COG6: variants seen among roughly 807,000 people sequenced by gnomAD.
COG6 encodes component of oligomeric golgi complex 6.
Under a neutral mutation model 88.8 loss-of-function variants are expected in COG6, and 74 were observed. That is an observed-to-expected ratio of 0.83 (90% confidence interval 0.69 to 1.01). COG6 has a LOEUF of 1.01. Ranked by LOEUF, COG6 falls within the 50% of genes least tolerant of loss-of-function variation. COG6 has a pLI of 0.00. For missense variants in COG6, 800 were observed against 797.9 expected (o/e 1.00, Z -0.03); for synonymous variants, 286 against 278.7 (o/e 1.03, Z -0.26).
Position 39,687,532 on chromosome 13 carries a change from G to A in COG6, c.818G>A (p.Arg273Lys). Residue 273 changes from arginine (R) to lysine (K), a missense_variant, in exon 9 of 19, where the codon AGA (arginine) becomes AAA (lysine). Arg to Lys is a conservative substitution (Grantham distance 26). Transcript: ENST00000455146. ...ACCTTAGATGAATTTGGAACAGCCAGAAGAAGTACAGTTGTTCGTGGATTT... is the reference window on the plus strand; with the variant it reads ...ACCTTAGATGAATTTGGAACAGCCAAAAGAAGTACAGTTGTTCGTGGATTT... ...KYTLDEFGTARRSTVVRGFID... is the reference protein window; with the variant it reads ...KYTLDEFGTAKRSTVVRGFID... 6.2e-7 allele frequency: 1 copy of A among 1,613,488 alleles called. No individual in the cohort carries two copies. Among genetic ancestry groups the A allele is most frequent in the Non-Finnish European group, 8.5e-7 (1 of 1,179,664 alleles).
intron 4 of COG6, among the ~76,000 whole-genome samples, chr13:39,667,250 C>G (rs1173357744): frequency 6.6e-6 from 1 of 152,128 alleles, no homozygotes; most frequent in African/African-American, 2.4e-5. Flanking sequence ...TTAAAAACAA[C>G]TAAGTATCAA....
chr13:39,662,414 AC>A (rs1472893051), intron 3 of COG6, among the ~76,000 whole-genome samples: 2 of 152,120 alleles, frequency 1.3e-5, no homozygotes, highest in Non-Finnish European at 1.5e-5. Context: ...GACATGAGCC[AC>A]CATGCCCGGC....
intron 17 of COG6, among the ~76,000 whole-genome samples, chr13:39,726,102 G>C (rs976034044): frequency 7.9e-5 from 12 of 151,856 alleles, no homozygotes; most frequent in African/African-American, 2.9e-4. Flanking sequence ...CTTGAGTTTT[G>C]TATTTAATAC....
chr13:39,687,808 A>T lies in COG6; in HGVS notation c.1009+9A>T. ...GCATGTAACTACACAAGGTGGGTCC[A>T]CCAATTGTATTGCTAATGCCTAAAT... On this transcript the variant is annotated intron_variant, in intron 10 of 18. Coordinates refer to ENST00000455146, the MANE Select transcript of COG6 (RefSeq NM_020751.3). The T allele has an allele frequency of 6.3e-7, 1 of 1,590,580 alleles. No individual in the cohort carries two copies.
chr13:39,788,392 G>A, exon 19 of COG6: 1 of 1,550,042 alleles, frequency 6.5e-7, no homozygotes, highest in Non-Finnish European at 8.7e-7. Flanking sequence ...TGTGCTTCTG[G>A]AGCCATTCCA....
chr13:39,781,247 G>A (rs1007311928), intron 18 of COG6, among the ~76,000 whole-genome samples: 17 of 152,152 alleles, frequency 1.1e-4, no homozygotes, highest in Admixed American at 7.2e-4. Flanking sequence ...ATACATGGGC[G>A]CTTATTAGAG....
At chr13:39,674,916 G>A (rs763321190) in intron 4 of COG6, among the ~76,000 whole-genome samples, 1 of 152,184 alleles carries the variant, frequency 6.6e-6, no homozygotes, top group South Asian at 2.1e-4. Context: ...TATATCCCCC[G>A]AGGATAAGGG....
intron 18 of COG6, among the ~76,000 whole-genome samples, chr13:39,766,212 T>C (rs985202106): frequency 1.6e-4 from 24 of 152,190 alleles, no homozygotes; most frequent in African/African-American, 5.8e-4. Context: ...GACTCCCAGC[T>C]AACACATTGC....
intron 18 of COG6, among the ~76,000 whole-genome samples, chr13:39,747,325 G>A (rs534718672): frequency 2.0e-4 from 31 of 152,264 alleles, no homozygotes; most frequent in African/African-American, 7.0e-4. Flanking sequence ...TATAATTTAA[G>A]TTTGACTCAG....
intron 18 of COG6, among the ~76,000 whole-genome samples, chr13:39,782,553 A>T (rs1400635283): frequency 6.6e-6 from 1 of 152,176 alleles, no homozygotes; most frequent in African/African-American, 2.4e-5. Flanking sequence ...TGCACCAGAA[A>T]TGGGTTTTGA....
chr13:39,709,252 A>T (rs192105006), intron 13 of COG6, among the ~76,000 whole-genome samples: 1 of 152,216 alleles, frequency 6.6e-6, no homozygotes, highest in East Asian at 1.9e-4. Flanking sequence ...TTCCTGGTGG[A>T]TGTTCCATAC....
rs114620138 is a variant in COG6, at chr13:39,736,362, G to A, written c.1826+8814G>A. Among the ~76,000 whole-genome samples the A allele has an allele frequency of 7.7e-3, 1,176 of 152,048 alleles. 14 individuals are homozygous for A. Among genetic ancestry groups the A allele is most frequent in the African/African-American group, 0.027 (1,104 of 41,460 alleles). ...TCGGACTTTCTGCCTGATTCTTTTTGACTATTTCAAGCTCTTTGTTAAAGT... is the reference window on the plus strand; with the variant it reads ...TCGGACTTTCTGCCTGATTCTTTTTAACTATTTCAAGCTCTTTGTTAAAGT... On this transcript the variant is annotated intron_variant, in intron 18 of 18. Coordinates refer to ENST00000455146, the MANE Select transcript of COG6 (RefSeq NM_020751.3).
intron 3 of COG6, among the ~76,000 whole-genome samples, chr13:39,661,483 C>A (rs1352920638): frequency 1.3e-5 from 2 of 152,072 alleles, no homozygotes; most frequent in South Asian, 4.1e-4. Flanking sequence ...TCTCTTGGAA[C>A]GATTGACATC....
intron 13 of COG6, among the ~76,000 whole-genome samples, chr13:39,708,726 T>C (rs1036776137): frequency 6.6e-6 from 1 of 152,190 alleles, no homozygotes; most frequent in Non-Finnish European, 1.5e-5. Context: ...CTTCAACAGA[T>C]GTTTGATAGA....
chr13:39,731,057 A>G (rs1325242811), intron 18 of COG6, among the ~76,000 whole-genome samples: 1 of 151,874 alleles, frequency 6.6e-6, no homozygotes, highest in Non-Finnish European at 1.5e-5. Flanking sequence ...TCCTGACCTC[A>G]AATTATACAC....
chr13:39,776,589 A>T (rs1881470315), intron 18 of COG6, among the ~76,000 whole-genome samples: 2 of 151,932 alleles, frequency 1.3e-5, no homozygotes, highest in South Asian at 4.1e-4. Flanking sequence ...GAAAAGATGT[A>T]ACAAATGTTC....
At chr13:39,684,027 G>A (rs956923549) in intron 8 of COG6, among the ~76,000 whole-genome samples, 4 of 152,050 alleles carry the variant, frequency 2.6e-5, no homozygotes, top group African/African-American at 9.7e-5. Context: ...AAGGCACTTA[G>A]TGTAATGCTT....
downstream of COG6, among the ~76,000 whole-genome samples, chr13:39,756,745 G>T (rs1195642107): frequency 7.2e-5 from 11 of 151,996 alleles, no homozygotes; most frequent in Admixed American, 6.6e-5. Context: ...TCTGGGCGGG[G>T]CGGGGGGCGG....
exon 19 of COG6, chr13:39,790,415 G>A (rs956842601): frequency 4.6e-5 from 7 of 152,080 alleles, no homozygotes; most frequent in African/African-American, 1.7e-4. Context: ...TCTGGCTTTT[G>A]TAGTCTTTTT....
Sources: gnomAD v4.1 joint callset for allele counts (sites outside exome capture counted in the v4.1 genomes callset) on GRCh38, gnomAD v4.1.1 for gene constraint, MANE v1.5 for transcripts, NCBI Gene and HGNC (gene_info 2026-07-23, HGNC 2026-07-21) for gene names.